The following CPXM2 variants were observed in gnomAD, a reference collection of about 807,000 sequenced individuals.
CPXM2 encodes the protein inactive carboxypeptidase-like protein X2.
Under a neutral mutation model 86.1 loss-of-function variants are expected in CPXM2, and 66 were observed. The observed-to-expected ratio is 0.77, with a 90% CI of 0.63 to 0.94. The LOEUF is 0.94. CPXM2 is among the 40% of genes least tolerant of loss of function. The pLI is 0.00. For synonymous variants in CPXM2, 388 were observed against 400.2 expected (o/e 0.97, Z 0.36); for missense variants, 948 against 1,026.3 (o/e 0.92, Z 1.04).
rs1034391701 is a variant in CPXM2 at position 123,885,489 on chromosome 10, G to T, written c.305-5180C>A. 6.6e-6 allele frequency among the ~76,000 whole-genome samples: 1 copy of T among 152,334 alleles called. No homozygotes were observed. Among genetic ancestry groups the T allele is most frequent in the African/African-American group, 2.4e-5 (1 of 41,576 alleles). ...TGGAGCACCTACCTGTGCCTAGCAT[G>T]AACCAGGCATTCCATACAAATCTGT... On this transcript the variant is annotated intron_variant, in intron 1 of 13. Transcript: ENST00000241305. The surrounding 1 kb of genome is among the most constrained non-coding windows in gnomAD (Gnocchi z 4.0).
At position 123,842,338 on chromosome 10, in the gene CPXM2, G is replaced by C; in HGVS notation, c.653+11C>G. 6.2e-7 allele frequency: 1 copy of C among 1,614,170 alleles called. No homozygotes were observed. Among genetic ancestry groups the C allele is most frequent in the Non-Finnish European group, 8.5e-7 (1 of 1,180,032 alleles). ...ACAGGGTCCAGAAAGCATATGTCCA[G>C]GTACACTCACAGCCAGAGGGAGTTC... On this transcript the variant is annotated intron_variant, in intron 4 of 13. Transcript: ENST00000241305.
At position 123,891,649 on chromosome 10, in the gene CPXM2, G is replaced by T; in HGVS notation, c.11C>A (p.Pro4Gln). MSR[P>Q]GTATPALALV... ...GGCCAGCGCTGGGGTAGCGGTCCCC[G>T]GGCGGGACATGCCTGCTCCGCCCCG... Residue 4 changes from proline to glutamine, a missense_variant, in exon 1 of 14, where the codon CCG (proline) becomes CAG (glutamine). Pro to Gln is a moderately conservative substitution (Grantham distance 76). Transcript: ENST00000241305. The surrounding 1 kb of genome is among the most constrained non-coding windows in gnomAD (Gnocchi z 5.6). 3 of 1,444,396 alleles carry T rather than the reference G, an allele frequency of 2.1e-6. No homozygotes were observed. The highest frequency in any genetic ancestry group is 2.9e-5 in the South Asian group (2 of 67,982). The allele number at this position is 1,444,396 out of a possible 1,614,324, so 89.5% of individuals were successfully genotyped here. A position where few individuals can be genotyped will look rare whatever the true frequency, so the allele number is the denominator to read the frequency against.
chr10:123,846,570 C>A (rs558465478), intron 3 of CPXM2, among the ~76,000 whole-genome samples: 1 of 152,068 alleles, frequency 6.6e-6, no homozygotes, highest in African/African-American at 2.4e-5. Context: ...GGTCTGTGGA[C>A]GGGGGACTTG....
Position 123,768,633 on chromosome 10 carries a change from G to C in CPXM2, c.1192C>G (p.Gln398Glu), listed in dbSNP as rs767194600. 2.7e-5 allele frequency: 43 copies of C among 1,613,784 alleles called. No homozygotes were observed. The highest frequency in any genetic ancestry group is 3.5e-5 in the Non-Finnish European group (41 of 1,179,986). Residue 398 changes from glutamine (Q) to glutamate (E), a missense_variant, in exon 9 of 14, where the codon CAG (glutamine) becomes GAG (glutamate). Transcript: ENST00000241305. ...CGCGCATTCCGGGCCAAGTACTCCT[G>C]ACACACGAACTGCACCAGCAGCAGC... ...LLLLLVQFVCQEYLARNARIV... is the reference protein window; with the variant it reads ...LLLLLVQFVCEEYLARNARIV...
At chr10:123,800,872 T>A (rs527912968) in intron 4 of CPXM2, among the ~76,000 whole-genome samples, 1 of 152,200 alleles carries the variant, frequency 6.6e-6, no homozygotes, top group Non-Finnish European at 1.5e-5. Context: ...ACTGCAAAGC[T>A]ACATCATATC....
At chr10:123,937,473 ACACAC>A (rs1206987778) in intron 2 of CPXM2, among the ~76,000 whole-genome samples, 1 of 37,916 alleles carries the variant, frequency 2.6e-5, no homozygotes, top group African/African-American at 2.6e-4. Context: ...ACAAAACAAC[ACACAC>A]ACACACACAC....
intron 2 of CPXM2, among the ~76,000 whole-genome samples, chr10:123,938,273 C>T (rs919734932): frequency 2.6e-5 from 4 of 152,178 alleles, no homozygotes; most frequent in African/African-American, 9.7e-5. Context: ...ACTGAAGCTG[C>T]AATCTGGGAT....
chr10:123,795,667 C>T (rs1018599389), intron 6 of CPXM2, among the ~76,000 whole-genome samples: 2 of 151,950 alleles, frequency 1.3e-5, no homozygotes, highest in African/African-American at 2.4e-5. Context: ...CGTGAACAGC[C>T]GCTCCCCTCT....
rs144897996 is a variant in CPXM2 at position 123,801,321 on chromosome 10, G to A, written c.654-2122C>T. Reference sequence around the variant, plus strand: ...GGTGAGACATGACTGCTCCTCTTTCGCTTTCCACCGTGATTGTGAGGCCTC... The same window carrying A: ...GGTGAGACATGACTGCTCCTCTTTCACTTTCCACCGTGATTGTGAGGCCTC... On this transcript the variant is annotated intron_variant, in intron 4 of 13. Coordinates refer to ENST00000241305, the MANE Select transcript of CPXM2 (RefSeq NM_198148.3). 2.6e-3 allele frequency among the ~76,000 whole-genome samples: 399 copies of A among 152,182 alleles called. 1 individual carries two copies. The highest frequency in any genetic ancestry group is 6.8e-3 in the Middle Eastern group (2 of 294).
upstream of CPXM2, among the ~76,000 whole-genome samples, chr10:123,894,972 G>A (rs1945323410): frequency 6.6e-6 from 1 of 151,988 alleles, no homozygotes. Flanking sequence ...CTTGCTCCCC[G>A]ACCGAAGAAT....
chr10:123,817,765 G>A (rs1266315539), intron 4 of CPXM2, among the ~76,000 whole-genome samples: 2 of 152,194 alleles, frequency 1.3e-5, no homozygotes, highest in Admixed American at 6.5e-5. Flanking sequence ...CAGAGGAAGA[G>A]AAGACTTGGG....
chr10:123,828,925 C>T (rs1161524441), intron 4 of CPXM2, among the ~76,000 whole-genome samples: 1 of 152,188 alleles, frequency 6.6e-6, no homozygotes, highest in South Asian at 2.1e-4. Flanking sequence ...CCTAAGAAGA[C>T]AGAAAGACAA....
intron 7 of CPXM2, among the ~76,000 whole-genome samples, chr10:123,771,464 G>C (rs1179799600): frequency 6.6e-6 from 1 of 152,154 alleles, no homozygotes; most frequent in Non-Finnish European, 1.5e-5. Flanking sequence ...AAAGGAGCCT[G>C]TTTGCCCATC....
At chr10:123,900,578 G>A (rs546773097) in intron 2 of CPXM2, among the ~76,000 whole-genome samples, 36 of 152,340 alleles carry the variant, frequency 2.4e-4, no homozygotes, top group African/African-American at 7.9e-4. Flanking sequence ...TGTTGATGAC[G>A]GTGTGGAGTT....
intron 2 of CPXM2, among the ~76,000 whole-genome samples, chr10:123,906,065 T>C (rs980721489): frequency 2.0e-5 from 3 of 152,136 alleles, no homozygotes; most frequent in Admixed American, 1.3e-4. Flanking sequence ...ACCTTTGCTC[T>C]CACATCCCAC....
At chr10:123,753,250 G>A (rs1846122568) in intron 13 of CPXM2, among the ~76,000 whole-genome samples, 1 of 152,200 alleles carries the variant, frequency 6.6e-6, no homozygotes, top group South Asian at 2.1e-4. Flanking sequence ...GTTTGCCTAG[G>A]ACAGAGGTGG....
intron 2 of CPXM2, among the ~76,000 whole-genome samples, chr10:123,912,852 C>G (rs955624214): frequency 6.6e-6 from 1 of 152,212 alleles, no homozygotes; most frequent in East Asian, 1.9e-4. Flanking sequence ...GGTTCAACTA[C>G]TTTGTTGTTG....
At chr10:123,800,290 CTCT>C (rs1464048635) in intron 4 of CPXM2, among the ~76,000 whole-genome samples, 2 of 152,252 alleles carry the variant, frequency 1.3e-5, no homozygotes, top group African/African-American at 4.8e-5. Flanking sequence ...CTCACACCTT[CTCT>C]TCTTCTCCTC....
intron 2 of CPXM2, among the ~76,000 whole-genome samples, chr10:123,936,790 G>A (rs78029158): frequency 0.065 from 9,946 of 152,034 alleles, 702 homozygotes; most frequent in East Asian, 0.37. Context: ...GGGCCCCACT[G>A]CCCCTTCCAG....
Sources: allele counts gnomAD v4.1 joint callset (sites outside exome capture counted in the v4.1 genomes callset), GRCh38; gene constraint gnomAD v4.1.1; non-coding constraint Gnocchi (gnomAD v3.1); transcripts MANE v1.5; gene names NCBI Gene and HGNC (gene_info 2026-07-23, HGNC 2026-07-21).